DPH6: variants seen among roughly 807,000 people sequenced by gnomAD.
DPH6 encodes diphthamine biosynthesis 6.
A neutral mutation model predicts 38.2 loss-of-function variants in DPH6; 33 were observed. The observed-to-expected ratio is 0.86, with a 90% CI of 0.65 to 1.15. The LOEUF (loss-of-function observed/expected upper bound fraction) is 1.15, where lower values mean the gene tolerates loss of function less well. Among genes scored for constraint, DPH6 ranks in the 50% most tolerant of loss-of-function variants. The pLI, the probability that DPH6 is intolerant of heterozygous loss-of-function variation, is 0.00. For missense variants in DPH6, 325 were observed against 320.0 expected (o/e 1.02, Z -0.12); for synonymous variants, 108 against 103.0 (o/e 1.05, Z -0.30).
At chr15:35,542,556 T>C (rs905806611) in intron 1 of DPH6, 49 bp from the exon 2 acceptor site, 28 of 1,469,870 alleles carry the variant, frequency 1.9e-5, no homozygotes, top group Non-Finnish European at 2.6e-5. Context: ...CTGACCATTA[T>C]TCAACATAAA....
chr15:35,231,393 G>A (rs893164537), intron 3 of DPH6, among the ~76,000 whole-genome samples: 8 of 152,190 alleles, frequency 5.3e-5, no homozygotes, highest in African/African-American at 1.9e-4. Flanking sequence ...ATGGAAGGGG[G>A]GTGGCATGGG....
At chr15:35,319,521 G>A (rs556940961) in intron 3 of DPH6, among the ~76,000 whole-genome samples, 14 of 152,006 alleles carry the variant, frequency 9.2e-5, no homozygotes, top group Non-Finnish European at 1.8e-4. Flanking sequence ...CAGACGGATC[G>A]CCTGAGGCCT....
chr15:35,163,242 G>A, the DPH6 span, among the ~76,000 whole-genome samples: 11 of 151,862 alleles, frequency 7.2e-5, no homozygotes, highest in Middle Eastern at 3.4e-3. Context: ...TTCCCTTTTC[G>A]TTTTTAACCT....
chr15:35,384,971 A>C (rs1405074307), intron 6 of DPH6, among the ~76,000 whole-genome samples: 1 of 152,230 alleles, frequency 6.6e-6, no homozygotes, highest in Non-Finnish European at 1.5e-5. Context: ...ATGAACAGAC[A>C]CTTCTCAAAA....
At chr15:35,259,111 C>G (rs2051726949) in intron 3 of DPH6, among the ~76,000 whole-genome samples, 1 of 150,328 alleles carries the variant, frequency 6.7e-6, no homozygotes, top group Non-Finnish European at 1.5e-5. Context: ...CACCACTACA[C>G]TCCAGCCTGG....
Position 35,422,930 on chromosome 15 carries a change from A to G in DPH6, c.506-12034T>C, listed in dbSNP as rs183856095. On this transcript the variant is annotated intron_variant, in intron 5 of 8. Coordinates refer to ENST00000256538, the MANE Select transcript of DPH6 (RefSeq NM_080650.4). ...GGTTGAATAATACTTCATTGTATAA[A>G]TATACCACATTTTCTTTAGACATTC... Among the ~76,000 whole-genome samples the G allele has an allele frequency of 1.3e-3, 200 of 151,982 alleles. 1 individual carries two copies. Among genetic ancestry groups the G allele is most frequent in the Admixed American group, 2.9e-3 (45 of 15,260 alleles).
intron 4 of DPH6, among the ~76,000 whole-genome samples, chr15:35,453,484 A>C (rs2053960587): frequency 6.6e-6 from 1 of 152,168 alleles, no homozygotes; most frequent in Admixed American, 6.5e-5. Flanking sequence ...ACTTGATGAC[A>C]ATACTATTAT....
intron 3 of DPH6, among the ~76,000 whole-genome samples, chr15:35,296,160 C>T (rs140014116): frequency 6.9e-4 from 105 of 152,098 alleles, no homozygotes; most frequent in African/African-American, 2.2e-3. Flanking sequence ...AGGATGGTCT[C>T]GATCCCCTGA....
chr15:35,420,302 T>G (rs1254493402), intron 5 of DPH6, among the ~76,000 whole-genome samples: 1 of 152,014 alleles, frequency 6.6e-6, no homozygotes, highest in Non-Finnish European at 1.5e-5. Context: ...CAAAAGCAGT[T>G]CTAAGAGGGA....
the DPH6 span, among the ~76,000 whole-genome samples, chr15:35,195,728 G>A: frequency 6.6e-6 from 1 of 152,054 alleles, no homozygotes; most frequent in Non-Finnish European, 1.5e-5. Flanking sequence ...AGACCCATCC[G>A]TGTAGCAACT....
rs533190544 is a variant in DPH6, at chr15:35,510,124, G to A, written c.312+28150C>T. On this transcript the variant is annotated intron_variant, in intron 3 of 8. Coordinates refer to ENST00000256538, the MANE Select transcript of DPH6 (RefSeq NM_080650.4). ...CCAGCTACTCAGGATGCTGTGGTGG[G>A]AGGATCTGAGCTCAGTAGGTTGAGG... 2.5e-3 allele frequency among the ~76,000 whole-genome samples: 387 copies of A among 152,302 alleles called. 2 individuals carry two copies. The highest frequency in any genetic ancestry group is 8.9e-3 in the African/African-American group (372 of 41,578).
At chr15:35,303,338 T>G (rs1333038087) in intron 3 of DPH6, among the ~76,000 whole-genome samples, 1 of 151,772 alleles carries the variant, frequency 6.6e-6, no homozygotes, top group East Asian at 1.9e-4. Flanking sequence ...TTAAAATATT[T>G]TTATAATAGC....
intron 5 of DPH6, among the ~76,000 whole-genome samples, chr15:35,445,253 T>G (rs1297413872): frequency 2.6e-5 from 4 of 152,170 alleles, no homozygotes; most frequent in African/African-American, 9.7e-5. Context: ...TAACAGGCAG[T>G]AGAAATCTGC....
Position 35,519,590 on chromosome 15 carries a change from C to T in DPH6, c.312+18684G>A, listed in dbSNP as rs144705957. On this transcript the variant is annotated intron_variant, in intron 3 of 8. Transcript: ENST00000256538. Reference sequence around the variant, plus strand: ...GTTCTCTTTGTTTAAAGTAAAGCCACTAGTGAAAAACAAGAATGTCTACTT... The same window carrying T: ...GTTCTCTTTGTTTAAAGTAAAGCCATTAGTGAAAAACAAGAATGTCTACTT... 6 of 152,294 alleles carry T rather than the reference C, an allele frequency of 3.9e-5. No individual in the cohort carries two copies. In the East Asian group the frequency reaches 7.7e-4, roughly 20 times the overall value. 9.4% of individuals were successfully genotyped at this position (152,294 alleles called of 1,614,324 possible).
chr15:35,527,813 T>A (rs2055027765), intron 3 of DPH6, among the ~76,000 whole-genome samples: 1 of 152,172 alleles, frequency 6.6e-6, no homozygotes, highest in African/African-American at 2.4e-5. Context: ...GAAGTCATAT[T>A]GCAGTGCACC....
chr15:35,189,722 G>C, the DPH6 span, among the ~76,000 whole-genome samples: 1 of 152,164 alleles, frequency 6.6e-6, no homozygotes, highest in Non-Finnish European at 1.5e-5. Flanking sequence ...ACAGATTAAT[G>C]AAAGAAAAGC....
At chr15:35,301,545 G>C (rs535020726) in intron 3 of DPH6, among the ~76,000 whole-genome samples, 13 of 152,132 alleles carry the variant, frequency 8.5e-5, no homozygotes, top group Non-Finnish European at 1.3e-4. Flanking sequence ...TAAATTTGTG[G>C]TACAAATCCA....
rs1447392777 is a variant in DPH6, at chr15:35,241,978, T to C, written n.201-21396A>G. Reference sequence around the variant, plus strand: ...GGTGCCAAACCCATATACTCTCCTATCCTCAATACCTCCCTCCACAATCCA... The same window carrying C: ...GGTGCCAAACCCATATACTCTCCTACCCTCAATACCTCCCTCCACAATCCA... On this transcript the variant is annotated intron_variant and non_coding_transcript_variant, in intron 3 of 3. Coordinates refer to the DPH6 transcript ENST00000560386. Among the ~76,000 whole-genome samples the C allele has an allele frequency of 1.7e-4, 25 of 144,144 alleles. 1 individual carries two copies. Among genetic ancestry groups the C allele is most frequent in the African/African-American group, 6.3e-4 (25 of 39,844 alleles). The allele number at this position is 144,144 out of a possible 152,430, so 94.6% of individuals were successfully genotyped here.
chr15:35,413,443 A>AAT (rs1370508141), intron 5 of DPH6, among the ~76,000 whole-genome samples: 2 of 151,636 alleles, frequency 1.3e-5, no homozygotes, highest in African/African-American at 4.8e-5. Context: ...ATTTTTCCTT[A>AAT]ATATATTTGA....
Sources: allele counts gnomAD v4.1 joint callset (sites outside exome capture counted in the v4.1 genomes callset), GRCh38; gene constraint gnomAD v4.1.1; transcripts MANE v1.5; gene names NCBI Gene and HGNC (gene_info 2026-07-23, HGNC 2026-07-21).